Variants in NKX6-3 observed in about 807,000 individuals in gnomAD.
The protein encoded by NKX6-3 is homeobox protein Nkx-6.3.
Under a neutral mutation model 22.0 loss-of-function variants are expected in NKX6-3, and 17 were observed. That is an observed-to-expected ratio of 0.77 (90% confidence interval 0.53 to 1.16). The LOEUF is 1.16. NKX6-3 is among the 50% of genes most tolerant of loss of function. The pLI is 0.00. For missense variants in NKX6-3, 363 were observed against 359.0 expected, an observed-to-expected ratio of 1.01 and a Z score of -0.09; for synonymous variants, 177 against 167.2, an observed-to-expected ratio of 1.06 and a Z score of -0.45.
rs1365843404 is a variant in NKX6-3 at position 41,650,417 on chromosome 8, C to T, written c.76G>A (p.Val26Met). Residue 26 changes from valine to methionine, a missense_variant, in exon 1 of 3, where the codon GTG becomes ATG. Val to Met is a conservative substitution (Grantham distance 21, BLOSUM62 1). This residue lies in a region of NKX6-3 where 175 missense variants were observed against 160.9 expected (regional missense o/e 1.09). Transcript: ENST00000518699. ...LAQFPEMKAP[V>M]CQYSVQNSFY... is the part of the protein sequence containing the mutation. ...GAGTTCTGCACAGAGTACTGGCACA[C>T]CGGGGCCTTCATCTCCGGAAACTGA... 1 of 1,535,788 alleles carries T rather than the reference C, an allele frequency of 6.5e-7. No individual in the cohort carries two copies.
At position 41,648,115 on chromosome 8, in the gene NKX6-3, T is replaced by G; in HGVS notation, c.503A>C (p.Glu168Ala). Residue 168 changes from glutamate to alanine, a missense_variant, in exon 2 of 3, where the codon GAG (glutamate) becomes GCG (alanine). By Grantham distance (107) the Glu-to-Ala change is moderately radical. Around this residue, in one of 3 missense-constraint regions of NKX6-3, gnomAD observed 169 missense variants for 155.8 expected, o/e 1.08. Transcript: ENST00000518699. Reference protein sequence around the residue: ...FEQTKYLAGPERARLAYSLGM... With the variant: ...FEQTKYLAGPARARLAYSLGM... Reference sequence around the variant, plus strand: ...CAGTGAGTATGCCAGCCGTGCCCTCTCGGGGCCAGCCAAGTACTTGGTCTG... The same window carrying G: ...CAGTGAGTATGCCAGCCGTGCCCTCGCGGGGCCAGCCAAGTACTTGGTCTG... 6.5e-7 allele frequency: 1 copy of G among 1,537,046 alleles called. No homozygotes were observed. The highest frequency in any genetic ancestry group is 8.7e-7 in the Non-Finnish European group (1 of 1,146,808).
intron 1 of NKX6-3, 132 bp downstream of exon 1, chr8:41,649,979 C>G (rs1408231596): frequency 5.2e-6 from 5 of 967,888 alleles, no homozygotes; most frequent in African/African-American, 1.7e-5. Flanking sequence ...GCTGAGGCTA[C>G]GAGTCCAGGG....
chr8:41,649,481 T>C (rs986386791), intron 1 of NKX6-3, among the ~76,000 whole-genome samples: 3 of 152,110 alleles, frequency 2.0e-5, no homozygotes, highest in African/African-American at 7.2e-5. Context: ...GGCTGAGGGA[T>C]GGGTCGGCTG....
At chr8:41,648,319 C>A in intron 1 of NKX6-3, 84 bp from the exon 2 acceptor site, 1 of 1,209,012 alleles carries the variant, frequency 8.3e-7, no homozygotes, top group Non-Finnish European at 1.1e-6. Context: ...ACCACCATGC[C>A]TGCCCCTCTC....
At position 41,650,539 on chromosome 8, in the gene NKX6-3, C is replaced by T. The variant is rs1029612932; in HGVS notation, c.-47G>A. On this transcript the variant is annotated 5_prime_UTR_variant, in exon 1 of 3. Coordinates refer to ENST00000518699, the MANE Select transcript of NKX6-3 (RefSeq NM_001364841.2). ...AAGGCTTCTCCAGGCCCCTAAAACC[C>T]AAGAGCCCACTCTCTAGCCCCAAAT... 6.6e-7 allele frequency: 1 copy of T among 1,518,238 alleles called. No individual in the cohort carries two copies. The highest frequency in any genetic ancestry group is 2.4e-5 in the East Asian group (1 of 40,842). 94.0% of individuals were successfully genotyped at this position (1,518,238 alleles called of 1,614,324 possible).
Position 41,646,278 on chromosome 8 carries a change from C to T in NKX6-3, c.*171G>A. ...TTTCCCTCCTTTTCCTCCTCCTCCC[C>T]CGCCTCCCCTCCTCCTCCCCTGCAC... is the stretch of plus-strand genomic sequence containing the variant. On this transcript the variant is annotated 3_prime_UTR_variant, in exon 3 of 3. Transcript: ENST00000518699. 1.1e-6 allele frequency: 1 copy of T among 877,444 alleles called. No homozygotes were observed. Among genetic ancestry groups the T allele is most frequent in the Admixed American group, 2.9e-5 (1 of 34,804 alleles). 54.4% of individuals were successfully genotyped at this position (877,444 alleles called of 1,614,324 possible). A position where few individuals can be genotyped will look rare whatever the true frequency, so the allele number is the denominator to read the frequency against.
At chr8:41,646,733 C>T (rs1463319300) in intron 2 of NKX6-3, 39 bp from the exon 3 acceptor site, 1 of 1,520,464 alleles carries the variant, frequency 6.6e-7, no homozygotes, top group Non-Finnish European at 8.8e-7. Flanking sequence ...AGGGGCACAG[C>T]GCGCACGGGA....
At chr8:41,649,288 G>A (rs1284229728) in intron 1 of NKX6-3, among the ~76,000 whole-genome samples, 2 of 152,142 alleles carry the variant, frequency 1.3e-5, no homozygotes, top group Non-Finnish European at 2.9e-5. Flanking sequence ...AGCCCCCATT[G>A]GCGTAGGAGA....
rs1804298873 is a variant in NKX6-3, at chr8:41,650,551, C to T, written c.-59G>A. On this transcript the variant is annotated 5_prime_UTR_variant, in exon 1 of 3. Coordinates refer to ENST00000518699, the MANE Select transcript of NKX6-3 (RefSeq NM_001364841.2). ...GGCCCCTAAAACCCAAGAGCCCACT[C>T]TCTAGCCCCAAATCTCATGGCAGGC... is the stretch of plus-strand genomic sequence containing the variant. 6 of 1,492,008 alleles carry T rather than the reference C, an allele frequency of 4.0e-6. No individual in the cohort carries two copies. In the Admixed American group the frequency reaches 1.3e-4, roughly 31 times the overall value. The allele number at this position is 1,492,008 out of a possible 1,614,324, so 92.4% of individuals were successfully genotyped here.
At position 41,646,989 on chromosome 8, in the gene NKX6-3, C is replaced by G. The variant is rs1482639163; in HGVS notation, c.553-295G>C. 4.3e-4 allele frequency among the ~76,000 whole-genome samples: 56 copies of G among 130,940 alleles called. 2 individuals carry two copies. The highest frequency in any genetic ancestry group is 1.5e-4 in the Non-Finnish European group (9 of 61,386). The allele number at this position is 130,940 out of a possible 152,430, so 85.9% of individuals were successfully genotyped here. On this transcript the variant is annotated intron_variant, in intron 2 of 2. Coordinates refer to ENST00000518699, the MANE Select transcript of NKX6-3 (RefSeq NM_001364841.2). ...CCTCCTCCTTCTCCTCCTCCTCCTC[C>G]TCCTCCACCTGGGAACTCGGTGGAA...
At position 41,649,741 on chromosome 8, in the gene NKX6-3, G is replaced by A. The variant is rs200842763; in HGVS notation, c.382+370C>T. ...CACGGGGGTAGCATTTGCCTGCTTT[G>A]GGTGAAGAAGTGGTTGCATGGGCCC... is the stretch of plus-strand genomic sequence containing the variant. On this transcript the variant is annotated intron_variant, in intron 1 of 2. Coordinates refer to ENST00000518699, the MANE Select transcript of NKX6-3 (RefSeq NM_001364841.2). 1.8e-4 allele frequency among the ~76,000 whole-genome samples: 28 copies of A among 152,314 alleles called. No homozygotes were observed. In the East Asian group the frequency reaches 5.4e-3, roughly 29 times the overall value.
chr8:41,647,341 C>A, intron 2 of NKX6-3: 1 of 1,567,150 alleles, frequency 6.4e-7, no homozygotes, highest in Non-Finnish European at 8.6e-7. Flanking sequence ...CAGGTGCCAG[C>A]TGCCCCTGCT....
chr8:41,647,273 G>A lies in NKX6-3; in HGVS notation c.553-579C>T, dbSNP rs576365717. 4.4e-6 allele frequency: 7 copies of A among 1,609,088 alleles called. 1 individual carries two copies. In the South Asian group the frequency reaches 6.6e-5, roughly 15 times the overall value. On this transcript the variant is annotated intron_variant, in intron 2 of 2. Transcript: ENST00000518699. ...CCAGGGCAGCTGAGCGGCTGATGAGGAGGGCGCAGCGGGTTGGAGCTCGGG... is the reference window on the plus strand; with the variant it reads ...CCAGGGCAGCTGAGCGGCTGATGAGAAGGGCGCAGCGGGTTGGAGCTCGGG...
chr8:41,647,101 C>T (rs993991439), intron 2 of NKX6-3: 4 of 1,402,028 alleles, frequency 2.9e-6, no homozygotes, highest in Non-Finnish European at 4.0e-6. Flanking sequence ...TTCATAGACC[C>T]TCACCCTACT....
Position 41,646,288 on chromosome 8 carries a change from T to A in NKX6-3, c.*161A>T. On this transcript the variant is annotated 3_prime_UTR_variant, in exon 3 of 3. Coordinates refer to ENST00000518699, the MANE Select transcript of NKX6-3 (RefSeq NM_001364841.2). ...TTTCCTCCTCCTCCCCCGCCTCCCC[T>A]CCTCCTCCCCTGCACCTGCTGCTCC... is the stretch of plus-strand genomic sequence containing the variant. 23 of 848,298 alleles carry A rather than the reference T, an allele frequency of 2.7e-5. No homozygotes were observed. Among genetic ancestry groups the A allele is most frequent in the Non-Finnish European group, 3.3e-5 (19 of 575,914 alleles). The allele number at this position is 848,298 out of a possible 1,614,324, so 52.5% of individuals were successfully genotyped here.
At chr8:41,649,059 G>A (rs955739101) in intron 1 of NKX6-3, among the ~76,000 whole-genome samples, 2 of 152,212 alleles carry the variant, frequency 1.3e-5, no homozygotes, top group African/African-American at 4.8e-5. Context: ...GGGATGTGGA[G>A]AGGGGAGGGG....
At chr8:41,648,690 C>A (rs1804258606) in intron 1 of NKX6-3, among the ~76,000 whole-genome samples, 1 of 152,234 alleles carries the variant, frequency 6.6e-6, no homozygotes, top group African/African-American at 2.4e-5. Flanking sequence ...CTCCAGGAAA[C>A]CAGGGAGGGG....
At chr8:41,647,202 C>G in intron 2 of NKX6-3, 2 of 1,613,024 alleles carry the variant, frequency 1.2e-6, no homozygotes, top group East Asian at 2.2e-5. Context: ...ACCCCAGAAG[C>G]AGAAAGACAT....
rs115440851 is a variant in NKX6-3, at chr8:41,648,419, G to A, written c.383-184C>T. Among the ~76,000 whole-genome samples, 858 of 152,270 alleles carry A rather than the reference G, an allele frequency of 5.6e-3. 10 individuals carry two copies. Among genetic ancestry groups the A allele is most frequent in the African/African-American group, 0.019 (794 of 41,554 alleles). ...GAACAGTGACTGTGACCTCTGCCCC[G>A]CCTGGATGGGCAGGGCTCCGAGAGG... On this transcript the variant is annotated intron_variant, in intron 1 of 2. Transcript: ENST00000518699.
Sources: gnomAD v4.1 joint callset for allele counts (sites outside exome capture counted in the v4.1 genomes callset) on GRCh38, gnomAD v4.1.1 for gene constraint, gnomAD v4.1.1 regional missense constraint, MANE v1.5 for transcripts, NCBI Gene and HGNC (gene_info 2026-07-23, HGNC 2026-07-21) for gene names.